ARHGAP8: variants seen among roughly 807,000 people sequenced by gnomAD.
The protein encoded by ARHGAP8 is rho GTPase-activating protein 8.
In ARHGAP8, 62 loss-of-function variants were observed where a neutral mutation model predicts 46.1. That is an observed-to-expected ratio of 1.34 (90% CI 1.10 to 1.66). The LOEUF (loss-of-function observed/expected upper bound fraction) is 1.66, where lower values mean the gene tolerates loss of function less well. Among genes scored for constraint, ARHGAP8 ranks in the 40% most tolerant of loss-of-function variants. The pLI, the probability that ARHGAP8 is intolerant of heterozygous loss-of-function variation, is 0.00. For synonymous variants in ARHGAP8, 375 were observed against 243.1 expected (o/e 1.54, Z -5.05); for missense variants, 923 against 568.4 (o/e 1.62, Z -6.34).
chr22:44,762,540 TCTC>T (rs1925212643), intron 1 of ARHGAP8, among the ~76,000 whole-genome samples: 1 of 129,546 alleles, frequency 7.7e-6, no homozygotes, highest in Non-Finnish European at 1.6e-5. Context: ...ACTCTCTCTC[TCTC>T]TTTTTTTTTT....
chr22:44,820,930 C>G (rs1027955123), intron 5 of ARHGAP8, among the ~76,000 whole-genome samples: 2 of 152,164 alleles, frequency 1.3e-5, no homozygotes, highest in Non-Finnish European at 2.9e-5. Flanking sequence ...CCTTTGGATT[C>G]TCCTACCTGT....
chr22:44,827,495 G>A (rs1170255062), intron 7 of ARHGAP8, among the ~76,000 whole-genome samples: 2 of 151,636 alleles, frequency 1.3e-5, no homozygotes, highest in African/African-American at 2.4e-5. Flanking sequence ...GGCGCCCACC[G>A]CCATGCCTGG....
At chr22:44,783,480 C>T (rs1926993644) in intron 1 of ARHGAP8, among the ~76,000 whole-genome samples, 1 of 152,300 alleles carries the variant, frequency 6.6e-6, no homozygotes, top group East Asian at 1.9e-4. Flanking sequence ...CTGGAAGCCC[C>T]ATCAGGCAGG....
chr22:44,772,709 C>G (rs1926125863), intron 1 of ARHGAP8, among the ~76,000 whole-genome samples: 1 of 151,418 alleles, frequency 6.6e-6, no homozygotes, highest in East Asian at 1.9e-4. Context: ...AAGGTATTTC[C>G]TTATCTTCTA....
At chr22:44,829,405 C>T (rs1382490188) in intron 7 of ARHGAP8, among the ~76,000 whole-genome samples, 1 of 152,206 alleles carries the variant, frequency 6.6e-6, no homozygotes, top group South Asian at 2.1e-4. Flanking sequence ...GGCCTCTCGG[C>T]TCCTAGAAGG....
chr22:44,844,827 C>T (rs2069913913), intron 7 of ARHGAP8, among the ~76,000 whole-genome samples: 1 of 152,180 alleles, frequency 6.6e-6, no homozygotes, highest in Non-Finnish European at 1.5e-5. Context: ...ACCCAGATAA[C>T]ATACTGAGTT....
chr22:44,767,608 G>A (rs1256954182), intron 1 of ARHGAP8, among the ~76,000 whole-genome samples: 2 of 151,986 alleles, frequency 1.3e-5, no homozygotes. Context: ...TAACTGTTGT[G>A]TCTCTTTAGC....
intron 7 of ARHGAP8, among the ~76,000 whole-genome samples, chr22:44,833,378 T>C (rs904146266): frequency 5.3e-5 from 8 of 152,102 alleles, no homozygotes; most frequent in Admixed American, 3.3e-4. Context: ...TTTGTTCATG[T>C]AAAGGTGTTA....
intron 3 of ARHGAP8, among the ~76,000 whole-genome samples, chr22:44,804,624 C>T (rs999027759): frequency 6.6e-5 from 10 of 152,150 alleles, no homozygotes; most frequent in African/African-American, 1.7e-4. Flanking sequence ...GTGACCCTGG[C>T]GGGGAGGCTG....
chr22:44,861,359 G>C (rs921444106), intron 11 of ARHGAP8, among the ~76,000 whole-genome samples: 1 of 152,210 alleles, frequency 6.6e-6, no homozygotes, highest in Non-Finnish European at 1.5e-5. Context: ...GTGGGGTGTG[G>C]TGTTGCGTGT....
At chr22:44,798,929 A>T (rs1928289871) in intron 2 of ARHGAP8, among the ~76,000 whole-genome samples, 1 of 152,160 alleles carries the variant, frequency 6.6e-6, no homozygotes, top group Non-Finnish European at 1.5e-5. Context: ...GAGGAGCTGG[A>T]CTTTTAAAAA....
At chr22:44,801,316 C>T (rs1206165925) in intron 2 of ARHGAP8, among the ~76,000 whole-genome samples, 4 of 117,604 alleles carry the variant, frequency 3.4e-5, no homozygotes, top group Non-Finnish European at 7.0e-5. Flanking sequence ...GGCACCTCTC[C>T]CCGCAGCTGT....
chr22:44,860,183 G>T (rs1056080361), intron 11 of ARHGAP8, among the ~76,000 whole-genome samples: 1 of 152,142 alleles, frequency 6.6e-6, no homozygotes, highest in Non-Finnish European at 1.5e-5. Flanking sequence ...CACTGGTACA[G>T]AGCCCAGTGG....
At chr22:44,846,596 C>G (rs1034593113) in intron 8 of ARHGAP8, among the ~76,000 whole-genome samples, 3 of 152,284 alleles carry the variant, frequency 2.0e-5, no homozygotes, top group Non-Finnish European at 4.4e-5. Flanking sequence ...CTGCCTGTCC[C>G]CGGCCTGGAC....
Position 44,814,694 on chromosome 22 carries a change from C to G in ARHGAP8, c.322C>G (p.Leu108Val), listed in dbSNP as rs1929607511. 6.2e-7 allele frequency: 1 copy of G among 1,613,978 alleles called. No homozygotes were observed. The highest frequency in any genetic ancestry group is 8.5e-7 in the Non-Finnish European group (1 of 1,179,950). ...DRKYKKNLKA[L>V]YVVHPTSFIK... ...CAGGTACAAGAAGAACTTGAAGGCC[C>G]TCTACGTGGTGCACCCCACCAGCTT... Residue 108 changes from leucine (L) to valine (V), a missense_variant, in exon 5 of 12, where the codon CTC becomes GTC. Coordinates refer to ENST00000356099, the MANE Select transcript of ARHGAP8 (RefSeq NM_181335.3).
At chr22:44,859,074 CCCTGGTCTAGACCACT>C (rs1315314267) in intron 10 of ARHGAP8, among the ~76,000 whole-genome samples, 1 of 150,778 alleles carries the variant, frequency 6.6e-6, no homozygotes, top group African/African-American at 2.4e-5. Context: ...GTTTGCCAAC[CCCTGGTCTAGACCACT>C]CCCATTTATA....
chr22:44,826,428 T>C (rs1930527149), intron 7 of ARHGAP8, among the ~76,000 whole-genome samples: 2 of 152,114 alleles, frequency 1.3e-5, no homozygotes, highest in Non-Finnish European at 2.9e-5. Flanking sequence ...TATACTACCT[T>C]TTTTTGGGGT....
Position 44,862,430 on chromosome 22 carries a change from G to T in ARHGAP8, c.1137G>T (p.Lys379Asn), listed in dbSNP as rs2070540492. The stretch of plus-strand genomic sequence containing the variant: ...AACTGCTGATCGAGTACTATGAAAA[G>T]ATCTTCAGCACCCCGGAGGCACCTG... ...FTELLIEYYE[K>N]IFSTPEAPGE... The change falls in exon 12 of 12, where the codon AAG becomes AAT. Residue 379 changes from lysine to asparagine, a missense_variant. By Grantham distance (94) the Lys-to-Asn change is moderately conservative. Coordinates refer to ENST00000356099, the MANE Select transcript of ARHGAP8 (RefSeq NM_181335.3). The T allele has an allele frequency of 4.3e-6, 7 of 1,614,146 alleles. No homozygotes were observed. Among genetic ancestry groups the T allele is most frequent in the South Asian group, 1.1e-5 (1 of 91,080 alleles).
chr22:44,769,820 A>T lies in ARHGAP8; in HGVS notation c.-71-16637A>T, dbSNP rs570098109. ...AGTTTCATTGATTCAAGGCCAGCCC[A>T]CACAGGAGAACTGGAGTTATGACTC... On this transcript the variant is annotated intron_variant, in intron 1 of 11. Coordinates refer to ENST00000356099, the MANE Select transcript of ARHGAP8 (RefSeq NM_181335.3). Among the ~76,000 whole-genome samples the T allele has an allele frequency of 5.9e-5, 9 of 152,378 alleles. No homozygotes were observed. In the South Asian group the frequency reaches 1.9e-3, roughly 32 times the overall value.
Sources: allele counts gnomAD v4.1 joint callset (sites outside exome capture counted in the v4.1 genomes callset), GRCh38; gene constraint gnomAD v4.1.1; transcripts MANE v1.5; gene names NCBI Gene and HGNC (gene_info 2026-07-23, HGNC 2026-07-21).